Variants in CYP4F22 observed in about 807,000 individuals in gnomAD.
CYP4F22 encodes the protein cytochrome P450 family 4 subfamily F member 22, also known as ultra-long-chain fatty acid omega-hydroxylase.
A neutral mutation model predicts 60.4 loss-of-function variants in CYP4F22; 37 were observed. The ratio of observed to expected loss-of-function variants is 0.61; its 90% CI spans 0.47 to 0.81. The LOEUF (loss-of-function observed/expected upper bound fraction) is 0.81. Among genes scored for constraint, CYP4F22 ranks in the 30% least tolerant of loss-of-function variants. The probability of loss-of-function intolerance (pLI) is 0.00; values close to 1 mark genes in which losing one functional copy is unlikely to be tolerated. For missense variants in CYP4F22, 655 were observed against 715.0 expected, an observed-to-expected ratio of 0.92 and a Z score of 0.96; for synonymous variants, 258 against 280.5, an observed-to-expected ratio of 0.92 and a Z score of 0.80.
chr19:15,518,883 G>A (rs1426369114), intron 1 of CYP4F22, among the ~76,000 whole-genome samples: 1 of 151,962 alleles, frequency 6.6e-6, no homozygotes, highest in African/African-American at 2.4e-5. Flanking sequence ...CAGTGGGAAC[G>A]GGCCACTGCA....
intron 1 of CYP4F22, among the ~76,000 whole-genome samples, chr19:15,513,268 C>T (rs1278517635): frequency 6.6e-6 from 1 of 151,424 alleles, no homozygotes; most frequent in East Asian, 1.9e-4. Context: ...CTCTGCCTCC[C>T]GAGTTCAAGC....
chr19:15,528,207 C>T (rs7260541), intron 3 of CYP4F22, among the ~76,000 whole-genome samples: 2,544 of 152,170 alleles, frequency 0.017, 87 homozygotes, highest in African/African-American at 0.058. Context: ...AATCCCAGCA[C>T]GTTGGGAGGC....
rs1971452427 is a variant in CYP4F22, at chr19:15,540,752, G to GCT, written c.939+35_939+36insCT. ...GGCCCCCTGGAATTGCTGGCCTCCC[G>GCT]AGGGCTGGCCTCCCGAGGAATTGCA... On this transcript the variant is annotated intron_variant, in intron 8 of 13. Coordinates refer to ENST00000269703, the MANE Select transcript of CYP4F22 (RefSeq NM_173483.4). 3.5e-5 allele frequency: 3 copies of GCT among 85,894 alleles called. No homozygotes were observed. The African/African-American group carries it at 4.8e-4, about 14-fold the overall frequency. The allele number at this position is 85,894 out of a possible 1,614,324, so 5.3% of individuals were successfully genotyped here.
chr19:15,534,883 T>A (rs1257272178), intron 4 of CYP4F22, among the ~76,000 whole-genome samples: 3 of 152,062 alleles, frequency 2.0e-5, no homozygotes, highest in African/African-American at 7.2e-5. Flanking sequence ...TCCAGGGGAA[T>A]TCAGGTGATT....
intron 4 of CYP4F22, among the ~76,000 whole-genome samples, chr19:15,535,374 T>G (rs1239056803): frequency 3.3e-5 from 5 of 152,164 alleles, no homozygotes; most frequent in Non-Finnish European, 7.4e-5. Context: ...GTGTGATGAA[T>G]GGGGGGATGA....
intron 10 of CYP4F22, among the ~76,000 whole-genome samples, chr19:15,545,103 A>AT (rs1018985155): frequency 1.2e-4 from 8 of 68,344 alleles, no homozygotes; most frequent in African/African-American, 4.7e-4. Flanking sequence ...AATAAATAAA[A>AT]TAAAAAAAAA....
At chr19:15,519,383 C>T (rs1269186584) in intron 1 of CYP4F22, among the ~76,000 whole-genome samples, 4 of 152,086 alleles carry the variant, frequency 2.6e-5, no homozygotes, top group African/African-American at 7.2e-5. Flanking sequence ...CTGCCTCAGC[C>T]TCCCGAGTAG....
At chr19:15,529,134 T>TTTTA (rs138913042) in intron 3 of CYP4F22, among the ~76,000 whole-genome samples, 1,170 of 18,450 alleles carry the variant, frequency 0.063, 25 homozygotes, top group African/African-American at 0.36. Context: ...TTTTATTTTA[T>TTTTA]TTTTTTTTTT....
intron 12 of CYP4F22, 40 bp from the exon 13 acceptor site, chr19:15,550,634 G>C: frequency 1.2e-6 from 2 of 1,608,284 alleles, no homozygotes; most frequent in Non-Finnish European, 1.7e-6. Context: ...GGGATGTCTG[G>C]GGCAGCCCCC....
intron 1 of CYP4F22, among the ~76,000 whole-genome samples, chr19:15,509,904 C>CCTTCCTTCCTTT (rs1323141197): frequency 1.2e-3 from 108 of 86,780 alleles, no homozygotes; most frequent in African/African-American, 4.1e-3. Context: ...TTCCTTCCTT[C>CCTTCCTTCCTTT]CTTTCTTTCT....
intron 1 of CYP4F22, among the ~76,000 whole-genome samples, chr19:15,515,674 T>C (rs1187070022): frequency 6.6e-6 from 1 of 151,394 alleles, no homozygotes; most frequent in Non-Finnish European, 1.5e-5. Context: ...TGCAGTGAGC[T>C]GAGATAGCAC....
At chr19:15,537,442 TG>T (rs1298776580) in intron 5 of CYP4F22, 28 bp downstream of exon 5, 1 of 1,614,186 alleles carries the variant, frequency 6.2e-7, no homozygotes. Context: ...AGGCTGGGGC[TG>T]GGGCTTTAGA....
Position 15,537,672 on chromosome 19 carries a change from A to G in CYP4F22, c.549+10A>G. 1 of 1,611,350 alleles carries G rather than the reference A, an allele frequency of 6.2e-7. No homozygotes were observed. The highest frequency in any genetic ancestry group is 8.5e-7 in the Non-Finnish European group (1 of 1,180,024). ...CGCTGACATTATGCATGTGAGTCCT[A>G]AGGCTTTGAGGGAAGAGGGTGTCTT... On this transcript the variant is annotated intron_variant, in intron 6 of 13. Coordinates refer to ENST00000269703, the MANE Select transcript of CYP4F22 (RefSeq NM_173483.4).
At position 15,548,032 on chromosome 19, in the gene CYP4F22, TGTGTGTGTG is replaced by T. The variant is rs1568364066; in HGVS notation, c.1137-75_1137-67del. On this transcript the variant is annotated intron_variant, in intron 10 of 13. Coordinates refer to ENST00000269703, the MANE Select transcript of CYP4F22 (RefSeq NM_173483.4). ...GTGTGTGTGTGTGTGTGTGTGTGTG[TGTGTGTGTG>T]TGTGTGTGTTTTGGGGAGGTGGTGC... The T allele has an allele frequency of 1.2e-4, 166 of 1,353,162 alleles. No individual in the cohort carries two copies. The African/African-American group carries it at 2.2e-3, about 18-fold the overall frequency. 83.8% of individuals were successfully genotyped at this position (1,353,162 alleles called of 1,614,324 possible).
chr19:15,550,842 G>T, intron 13 of CYP4F22, 86 bp downstream of exon 13: 1 of 1,508,742 alleles, frequency 6.6e-7, no homozygotes, highest in South Asian at 1.1e-5. Context: ...CAGGAGCAGA[G>T]ATCAGATGGC....
chr19:15,543,483 T>C (rs1568362461), intron 8 of CYP4F22, among the ~76,000 whole-genome samples: 1 of 152,120 alleles, frequency 6.6e-6, no homozygotes, highest in Non-Finnish European at 1.5e-5. Context: ...TGAGCCACCA[T>C]GCTGGGCACT....
At chr19:15,521,828 G>A (rs1971229232) in intron 1 of CYP4F22, among the ~76,000 whole-genome samples, 1 of 152,052 alleles carries the variant, frequency 6.6e-6, no homozygotes, top group African/African-American at 2.4e-5. Flanking sequence ...GCACCACCAT[G>A]CTCAGCTTGT....
At chr19:15,524,071 A>T (rs1257390168) in intron 2 of CYP4F22, among the ~76,000 whole-genome samples, 2 of 151,622 alleles carry the variant, frequency 1.3e-5, no homozygotes, top group Non-Finnish European at 2.9e-5. Context: ...AAAGAAAAAA[A>T]AAAAAAAGGA....
At chr19:15,510,966 A>ATATATATATATATATTT (rs34055543) in intron 1 of CYP4F22, among the ~76,000 whole-genome samples, 98 of 103,286 alleles carry the variant, frequency 9.5e-4, no homozygotes, top group African/African-American at 3.3e-3. Context: ...ATATATATAT[A>ATATATATATATATATTT]TTTTTTTTTT....
Sources: allele counts gnomAD v4.1 joint callset (sites outside exome capture counted in the v4.1 genomes callset), GRCh38; gene constraint gnomAD v4.1.1; transcripts MANE v1.5; gene names NCBI Gene and HGNC (gene_info 2026-07-23, HGNC 2026-07-21).